The following ECSIT variants were observed in gnomAD, a reference collection of about 807,000 sequenced individuals.
ECSIT encodes evolutionarily conserved signaling intermediate in Toll pathway, mitochondrial.
A neutral mutation model predicts 36.8 loss-of-function variants in ECSIT; 29 were observed. The observed-to-expected ratio is 0.79, with a 90% CI of 0.59 to 1.08. The LOEUF (loss-of-function observed/expected upper bound fraction) is 1.08, where lower values mean the gene tolerates loss of function less well. Among genes scored for constraint, ECSIT ranks in the 50% least tolerant of loss-of-function variants. The pLI is 0.00. For synonymous variants in ECSIT, 231 were observed against 234.8 expected (o/e 0.98, Z 0.15); for missense variants, 542 against 581.0 (o/e 0.93, Z 0.69).
At chr19:11,515,259 ACG>A (rs1971968296) in intron 2 of ECSIT, among the ~76,000 whole-genome samples, 1 of 151,606 alleles carries the variant, frequency 6.6e-6, no homozygotes, top group Non-Finnish European at 1.5e-5. Flanking sequence ...GCCTGCCACC[ACG>A]CCCAGCTAAT....
chr19:11,525,980 T>TC (rs1008598097), intron 1 of ECSIT, among the ~76,000 whole-genome samples: 1 of 151,360 alleles, frequency 6.6e-6, no homozygotes, highest in Non-Finnish European at 1.5e-5. Context: ...TTTTTTTTTT[T>TC]CCCAGGCGGA....
chr19:11,514,984 G>A lies in ECSIT; in HGVS notation c.97-763C>T, dbSNP rs556308973. On this transcript the variant is annotated intron_variant, in intron 2 of 7. Transcript: ENST00000270517. ...CTCCCAAGTAAGCTGGACTACAGACGTGCTCCACCACGCCCTGCTAATTTT... is the reference window on the plus strand; with the variant it reads ...CTCCCAAGTAAGCTGGACTACAGACATGCTCCACCACGCCCTGCTAATTTT... Among the ~76,000 whole-genome samples the A allele has an allele frequency of 9.9e-5, 15 of 151,646 alleles. No individual in the cohort carries two copies. In the East Asian group the frequency reaches 2.5e-3, roughly 25 times the overall value.
intron 4 of ECSIT, among the ~76,000 whole-genome samples, chr19:11,508,844 CT>C (rs1971812537): frequency 6.6e-6 from 1 of 151,856 alleles, no homozygotes; most frequent in African/African-American, 2.4e-5. Context: ...ATGAACCTAA[CT>C]TTGGGTGGTT....
At position 11,514,028 on chromosome 19, in the gene ECSIT, G is replaced by A. The variant is rs753976429; in HGVS notation, c.290C>T (p.Ala97Val). 9.9e-6 allele frequency: 16 copies of A among 1,614,192 alleles called. No individual in the cohort carries two copies. Among genetic ancestry groups the A allele is most frequent in the Admixed American group, 1.7e-5 (1 of 60,020 alleles). Residue 97 changes from alanine (A) to valine (V), a missense_variant, in exon 3 of 8, where the codon GCG becomes GTG. Physicochemically the swap from Ala to Val is moderately conservative, Grantham distance 64. Transcript: ENST00000270517. ...ASFLQTVQKF[A>V]EHSVRKRGHI... is the part of the protein sequence containing the mutation. Reference sequence around the variant, plus strand: ...GCCCCGCTTACGCACGCTGTGCTCCGCAAATTTCTGCACCGTCTGCAGGAA... The same window carrying A: ...GCCCCGCTTACGCACGCTGTGCTCCACAAATTTCTGCACCGTCTGCAGGAA...
At chr19:11,521,929 G>A (rs925885315) in intron 1 of ECSIT, 11 of 168,338 alleles carry the variant, frequency 6.5e-5, no homozygotes, top group Middle Eastern at 2.7e-3. Flanking sequence ...AATTAGCCAG[G>A]CTCCTTTTGC....
Position 11,506,416 on chromosome 19 carries a change from G to A in ECSIT, c.1064C>T (p.Pro355Leu), listed in dbSNP as rs1156969870. The A allele has an allele frequency of 1.2e-6, 2 of 1,611,936 alleles. No individual in the cohort carries two copies. The highest frequency in any genetic ancestry group is 1.7e-6 in the Non-Finnish European group (2 of 1,178,758). Residue 355 changes from proline (P) to leucine (L), a missense_variant, in exon 8 of 8, where the codon CCT (proline) becomes CTT (leucine). By Grantham distance (98) the Pro-to-Leu change is moderately conservative. Transcript: ENST00000270517. Reference sequence around the variant, plus strand: ...ACCCGCCATGCACATGGCGAAGACAGGGCCTTCCTCCACTGTTGGAAGACA... The same window carrying A: ...ACCCGCCATGCACATGGCGAAGACAAGGCCTTCCTCCACTGTTGGAAGACA... ...EFDINEVEEG[P>L]VFAMCMAGAH...
intron 4 of ECSIT, among the ~76,000 whole-genome samples, chr19:11,508,757 T>A (rs1347514815): frequency 2.0e-5 from 3 of 152,164 alleles, no homozygotes; most frequent in African/African-American, 7.2e-5. Context: ...TTTTGCTATG[T>A]TGGCCTGGCT....
chr19:11,506,529 CTTT>C (rs71166605), intron 7 of ECSIT, 101 bp from the exon 8 acceptor site: 19,420 of 666,914 alleles, frequency 0.029, 1 homozygote, highest in South Asian at 0.039. Flanking sequence ...CTTCCACTTC[CTTT>C]TTTTTTTTTT....
intron 2 of ECSIT, among the ~76,000 whole-genome samples, chr19:11,518,608 G>A (rs1205458226): frequency 6.7e-6 from 1 of 149,506 alleles, no homozygotes; most frequent in Non-Finnish European, 1.5e-5. Flanking sequence ...AATAAATTAT[G>A]GACTTTTGGC....
intron 4 of ECSIT, chr19:11,510,627 G>A (rs1294196922): frequency 6.6e-6 from 1 of 152,186 alleles, no homozygotes; most frequent in African/African-American, 2.4e-5. Context: ...CTCTGGGGAG[G>A]GAGACGGGCG....
At chr19:11,522,613 C>G in intron 1 of ECSIT, 1 of 549,616 alleles carries the variant, frequency 1.8e-6, no homozygotes. Context: ...ACTCAGGAGG[C>G]TGAGGTGGGA....
At position 11,512,993 on chromosome 19, in the gene ECSIT, AG is replaced by A. The variant is rs1166075662; in HGVS notation, c.738+62del. On this transcript the variant is annotated intron_variant, in intron 4 of 7. Coordinates refer to ENST00000270517, the MANE Select transcript of ECSIT (RefSeq NM_016581.5). ...CACTAGAGTGAGAGAAGGGGAGCCC[AG>A]GGGAGGAATGGCGGGAGCCTGGCCT... 2.7e-6 allele frequency: 4 copies of A among 1,506,732 alleles called. No homozygotes were observed. In the African/African-American group the frequency reaches 5.5e-5, roughly 21 times the overall value. The allele number at this position is 1,506,732 out of a possible 1,614,324, so 93.3% of individuals were successfully genotyped here.
At chr19:11,513,663 G>A (rs1362546577) in intron 3 of ECSIT, 141 bp downstream of exon 3, 16 of 1,040,884 alleles carry the variant, frequency 1.5e-5, no homozygotes, top group Non-Finnish European at 2.1e-5. Context: ...GATGAGTGAT[G>A]AAAAGAGGGA....
chr19:11,508,382 G>GTTTTTTTTTTTTT (rs1418652426), intron 4 of ECSIT, among the ~76,000 whole-genome samples: 5 of 115,830 alleles, frequency 4.3e-5, no homozygotes, highest in African/African-American at 1.8e-4. Context: ...ACTTAATTCC[G>GTTTTTTTTTTTTT]ATTTTTTTTT....
At chr19:11,517,609 A>AATGTGTGTGTGTTTG (rs1396375454) in intron 2 of ECSIT, among the ~76,000 whole-genome samples, 1 of 152,050 alleles carries the variant, frequency 6.6e-6, no homozygotes, top group Non-Finnish European at 1.5e-5. Context: ...AACAAAAAAC[A>AATGTGTGTGTGTTTG]ACTGAAATTT....
chr19:11,520,045 C>T (rs973762500), intron 1 of ECSIT: 4 of 152,148 alleles, frequency 2.6e-5, no homozygotes, highest in African/African-American at 9.6e-5. Flanking sequence ...CCCTTCACTC[C>T]CAACCCCAAG....
chr19:11,506,117 AG>A lies in ECSIT; in HGVS notation c.*66del. On this transcript the variant is annotated 3_prime_UTR_variant, in exon 8 of 8. Transcript: ENST00000270517. The stretch of plus-strand genomic sequence containing the variant: ...AAACATTGATTTGCTGTACACTCAA[AG>A]GGCATCTCATGCCTTCAGTCCACCG... 1 of 1,581,554 alleles carries A rather than the reference AG, an allele frequency of 6.3e-7. No individual in the cohort carries two copies. The highest frequency in any genetic ancestry group is 1.3e-5 in the African/African-American group (1 of 74,494).
At position 11,506,414 on chromosome 19, in the gene ECSIT, C is replaced by G; in HGVS notation, c.1066G>C (p.Val356Leu). 6.2e-7 allele frequency: 1 copy of G among 1,612,156 alleles called. No homozygotes were observed. The highest frequency in any genetic ancestry group is 8.5e-7 in the Non-Finnish European group (1 of 1,178,814). Residue 356 changes from valine to leucine, a missense_variant, in exon 8 of 8, where the codon GTC (valine) becomes CTC (leucine). Coordinates refer to ENST00000270517, the MANE Select transcript of ECSIT (RefSeq NM_016581.5). ...GCACCCGCCATGCACATGGCGAAGACAGGGCCTTCCTCCACTGTTGGAAGA... is the reference window on the plus strand; with the variant it reads ...GCACCCGCCATGCACATGGCGAAGAGAGGGCCTTCCTCCACTGTTGGAAGA... The part of the protein sequence containing the change: ...FDINEVEEGP[V>L]FAMCMAGAHD...
In ECSIT at chr19:11,506,160, C is replaced by T; in HGVS notation, c.*24G>A. 2 of 1,600,888 alleles carry T rather than the reference C, an allele frequency of 1.2e-6. No homozygotes were observed. ...AGTCCACCGCCTCCTCGGGCCACAG[C>T]CCGTGCCCTCGCGCCGGCTCAGACT... On this transcript the variant is annotated 3_prime_UTR_variant, in exon 8 of 8. Coordinates refer to ENST00000270517, the MANE Select transcript of ECSIT (RefSeq NM_016581.5).
Sources: allele counts gnomAD v4.1 joint callset (sites outside exome capture counted in the v4.1 genomes callset), GRCh38; gene constraint gnomAD v4.1.1; transcripts MANE v1.5; gene names NCBI Gene and HGNC (gene_info 2026-07-23, HGNC 2026-07-21).